The following FBXO3 variants were observed in gnomAD, a reference collection of about 807,000 sequenced individuals.
FBXO3 encodes the protein F-box protein 3.
Under a neutral mutation model 64.8 loss-of-function variants are expected in FBXO3, and 17 were observed. That is an observed-to-expected ratio of 0.26 (90% CI 0.18 to 0.39). The LOEUF is 0.39. Among genes scored for constraint, FBXO3 ranks in the 10% least tolerant of loss-of-function variants. The pLI is 1.00. For synonymous variants in FBXO3, 182 were observed against 201.6 expected (o/e 0.90, Z 0.82); for missense variants, 420 against 589.9 (o/e 0.71, Z 2.98).
chr11:33,774,151 G>A, intron 1 of FBXO3: 2 of 458,872 alleles, frequency 4.4e-6, no homozygotes, highest in Non-Finnish European at 7.8e-6. Flanking sequence ...CGAGGCCTGG[G>A]AGAGAGATAT....
chr11:33,758,581 G>T lies in FBXO3; in HGVS notation c.379C>A (p.Leu127Ile), dbSNP rs775123182. 3.1e-6 allele frequency: 5 copies of T among 1,607,122 alleles called. No homozygotes were observed. The highest frequency in any genetic ancestry group is 4.3e-6 in the Non-Finnish European group (5 of 1,174,964). Residue 127 changes from leucine to isoleucine, a missense_variant, in exon 4 of 11, where the codon CTC (leucine) becomes ATC (isoleucine). Leu to Ile is a conservative substitution (Grantham distance 5). Transcript: ENST00000265651. ...CCAATCTGCGCTTCCACAGCATCGA[G>T]GTCTTCCTCTCGAGCACCCTCTATA... ...SLKEGAREED[L>I]DAVEAQIGCK...
At chr11:33,751,382 T>C (rs1252301218) in intron 7 of FBXO3, 141 bp downstream of exon 7, 2 of 592,290 alleles carry the variant, frequency 3.4e-6, no homozygotes, top group Non-Finnish European at 5.9e-6. Context: ...ATAGTGAGAC[T>C]GAAGACAATC....
chr11:33,760,590 G>A (rs940284742), intron 3 of FBXO3, among the ~76,000 whole-genome samples: 2 of 152,096 alleles, frequency 1.3e-5, no homozygotes, highest in African/African-American at 2.4e-5. Context: ...GGCTGCAATG[G>A]GCTATGATTG....
intron 3 of FBXO3, among the ~76,000 whole-genome samples, chr11:33,764,256 A>C (rs1458563762): frequency 1.3e-5 from 2 of 152,240 alleles, no homozygotes; most frequent in Non-Finnish European, 2.9e-5. Flanking sequence ...CAAAATACTT[A>C]ATCATACAAC....
In FBXO3 at chr11:33,755,732, C is replaced by T. The variant is rs764496072; in HGVS notation, c.678+39G>A. 3 of 1,437,092 alleles carry T rather than the reference C, an allele frequency of 2.1e-6. No individual in the cohort carries two copies. The South Asian group carries it at 3.4e-5, about 16-fold the overall frequency. 89.0% of individuals were successfully genotyped at this position (1,437,092 alleles called of 1,614,324 possible). On this transcript the variant is annotated intron_variant, in intron 5 of 10. Coordinates refer to ENST00000265651, the MANE Select transcript of FBXO3 (RefSeq NM_012175.4). The stretch of plus-strand genomic sequence containing the variant: ...GCATGCATTTATACAACCATCAGAA[C>T]ACATCTTAATGCCATATTTAAACAC...
chr11:33,770,654 G>A lies in FBXO3; in HGVS notation c.194+87C>T. The A allele has an allele frequency of 3.1e-6, 3 of 959,902 alleles. 1 individual carries two copies. The highest frequency in any genetic ancestry group is 2.4e-5 in the East Asian group (1 of 40,956). The allele number at this position is 959,902 out of a possible 1,614,324, so 59.5% of individuals were successfully genotyped here. A position where few individuals can be genotyped will look rare whatever the true frequency, so the allele number is the denominator to read the frequency against. On this transcript the variant is annotated intron_variant, in intron 2 of 10. Transcript: ENST00000265651. ...GCCACCAAAGGAGATAAAGAGACAAGGGTTAGAGAGGAGAATCAGGACAAA... is the reference window on the plus strand; with the variant it reads ...GCCACCAAAGGAGATAAAGAGACAAAGGTTAGAGAGGAGAATCAGGACAAA...
intron 1 of FBXO3, chr11:33,772,635 A>G (rs1855536911): frequency 6.6e-6 from 1 of 152,226 alleles, no homozygotes; most frequent in Non-Finnish European, 1.5e-5. Flanking sequence ...CGATTTGATC[A>G]CTTCTCACTT....
intron 9 of FBXO3, among the ~76,000 whole-genome samples, chr11:33,748,121 A>C (rs1199862353): frequency 6.6e-6 from 1 of 152,202 alleles, no homozygotes; most frequent in Admixed American, 6.5e-5. Flanking sequence ...CACTGGACCA[A>C]ATGGCAGAAA....
intron 10 of FBXO3, chr11:33,746,741 A>C: frequency 7.0e-7 from 1 of 1,427,588 alleles, no homozygotes; most frequent in Non-Finnish European, 9.2e-7. Flanking sequence ...CCACACATTA[A>C]ATTTTCTTTA....
rs1291225298 is a variant in FBXO3 at position 33,751,523 on chromosome 11, C to T, written c.809G>A (p.Arg270Lys). 6.3e-7 allele frequency: 1 copy of T among 1,590,152 alleles called. No individual in the cohort carries two copies. The highest frequency in any genetic ancestry group is 1.7e-5 in the Admixed American group (1 of 57,454). ...GFPIIRDQIF[R>K]YVHDPECVAT... ...TCCAAAAAGACCCAAAATAAAATAC[C>T]TGAAAATTTGGTCTCTGATGATGGG... Residue 270 changes from arginine to lysine, a missense_variant and splice_region_variant, in exon 7 of 11, where the codon AGA becomes AAA. By Grantham distance (26) the Arg-to-Lys change is conservative. Transcript: ENST00000265651.
chr11:33,754,162 A>C (rs1043035639), intron 6 of FBXO3: 8 of 268,916 alleles, frequency 3.0e-5, no homozygotes, highest in African/African-American at 1.5e-4. Context: ...GTGCATGTTA[A>C]GAAAAATATA....
At chr11:33,761,455 C>T (rs144264715) in intron 3 of FBXO3, among the ~76,000 whole-genome samples, 1,635 of 152,196 alleles carry the variant, frequency 0.011, 20 homozygotes, top group South Asian at 0.046. Flanking sequence ...GAGGACTTTT[C>T]GTAATAACAA....
At chr11:33,744,087 T>C (rs1854753115) in intron 10 of FBXO3, 1 of 152,202 alleles carries the variant, frequency 6.6e-6, no homozygotes. Flanking sequence ...ATACGACTTA[T>C]AAGACATTAC....
At chr11:33,765,611 A>T (rs1204538789) in intron 3 of FBXO3, among the ~76,000 whole-genome samples, 1 of 152,206 alleles carries the variant, frequency 6.6e-6, no homozygotes, top group Non-Finnish European at 1.5e-5. Flanking sequence ...GCTTTGACAT[A>T]GTTTGTATAT....
intron 1 of FBXO3, chr11:33,773,110 A>T (rs1590592367): frequency 2.6e-5 from 4 of 152,330 alleles, no homozygotes; most frequent in African/African-American, 7.2e-5. Flanking sequence ...GACCTTAGAT[A>T]TACAAGCCAG....
intron 3 of FBXO3, among the ~76,000 whole-genome samples, chr11:33,766,771 T>C (rs1300128163): frequency 9.2e-5 from 14 of 152,198 alleles, no homozygotes. Flanking sequence ...GGTGAGCAGC[T>C]AGGTTCCTGA....
intron 7 of FBXO3, among the ~76,000 whole-genome samples, chr11:33,750,902 C>T (rs771357568): frequency 6.6e-6 from 1 of 152,102 alleles, no homozygotes; most frequent in Non-Finnish European, 1.5e-5. Context: ...GTTCAAATAA[C>T]GGATTGGTAA....
intron 3 of FBXO3, among the ~76,000 whole-genome samples, chr11:33,762,038 T>A (rs1044736102): frequency 6.6e-6 from 1 of 152,228 alleles, no homozygotes; most frequent in Non-Finnish European, 1.5e-5. Flanking sequence ...TAATTACATA[T>A]GCAAAATCCC....
rs377225097 is a variant in FBXO3, at chr11:33,758,579, G to A, written c.381C>T (p.Leu127=). The change falls in exon 4 of 11, where the codon CTC becomes CTT. Residue 127 remains leucine, a synonymous_variant. Coordinates refer to ENST00000265651, the MANE Select transcript of FBXO3 (RefSeq NM_012175.4). Reference sequence around the variant, plus strand: ...AGCCAATCTGCGCTTCCACAGCATCGAGGTCTTCCTCTCGAGCACCCTCTA... The same window carrying A: ...AGCCAATCTGCGCTTCCACAGCATCAAGGTCTTCCTCTCGAGCACCCTCTA... ...SLKEGAREED[L]DAVEAQIGCK... 82 of 1,607,154 alleles carry A rather than the reference G, an allele frequency of 5.1e-5. 1 individual carries two copies. Among genetic ancestry groups the A allele is most frequent in the East Asian group, 2.2e-5 (1 of 44,738 alleles).
Sources: gnomAD v4.1 joint callset for allele counts (sites outside exome capture counted in the v4.1 genomes callset) on GRCh38, gnomAD v4.1.1 for gene constraint, MANE v1.5 for transcripts, NCBI Gene and HGNC (gene_info 2026-07-23, HGNC 2026-07-21) for gene names.